Variants in RXRA observed in about 807,000 individuals in gnomAD.
RXRA encodes the protein retinoic acid receptor RXR-alpha.
In RXRA, 5 loss-of-function variants were observed where a neutral mutation model predicts 44.5. The observed-to-expected ratio is 0.11, with a 90% CI of 0.06 to 0.24. The LOEUF is 0.24. Ranked by LOEUF, RXRA falls within the 10% of genes least tolerant of loss-of-function variation. The pLI is 1.00. For synonymous variants in RXRA, 291 were observed against 271.4 expected (o/e 1.07, Z -0.71); for missense variants, 412 against 646.5 (o/e 0.64, Z 3.93).
At chr9:134,379,273 A>T (rs1588274669) in intron 1 of RXRA, 2 of 986,090 alleles carry the variant, frequency 2.0e-6, no homozygotes, top group African/African-American at 3.5e-5. Context: ...CTGCCCCATC[A>T]GCAACAGCTG....
intron 2 of RXRA, among the ~76,000 whole-genome samples, chr9:134,406,853 T>G (rs12336468): frequency 0.099 from 15,150 of 152,304 alleles, 2,450 homozygotes; most frequent in African/African-American, 0.34. Flanking sequence ...CGCACCCCTC[T>G]GCAGACGTCT....
intron 1 of RXRA, among the ~76,000 whole-genome samples, chr9:134,328,904 T>C (rs1386390748): frequency 6.6e-6 from 1 of 151,864 alleles, no homozygotes; most frequent in Non-Finnish European, 1.5e-5. Context: ...ACCGAGCCGC[T>C]CAGTGAGGGC....
Position 134,349,968 on chromosome 9 carries a change from T to TGGGACCCCTTCCCCAAGCCC in RXRA, c.28+23310_28+23329dup, listed in dbSNP as rs1219466594. ...GTGTCTGGAGGTCCCCAGGCACTGC[T>TGGGACCCCTTCCCCAAGCCC]GGGACCCCTTCCCCAAGCCCAGGAC... On this transcript the variant is annotated intron_variant, in intron 1 of 9. Transcript: ENST00000481739. The surrounding 1 kb of genome is among the most constrained non-coding windows in gnomAD (Gnocchi z 4.3). Among the ~76,000 whole-genome samples the TGGGACCCCTTCCCCAAGCCC allele has an allele frequency of 1.2e-3, 179 of 152,062 alleles. 1 individual carries two copies. The highest frequency in any genetic ancestry group is 4.0e-3 in the African/African-American group (164 of 41,478).
chr9:134,408,128 T>C, intron 2 of RXRA, 21 bp from the exon 3 acceptor site: 1 of 1,522,302 alleles, frequency 6.6e-7, no homozygotes, highest in Non-Finnish European at 8.8e-7. Context: ...CCCCGCTGAC[T>C]GCTGTGGTTG....
intron 1 of RXRA, among the ~76,000 whole-genome samples, chr9:134,391,434 C>A (rs563997529): frequency 5.9e-5 from 9 of 152,316 alleles, no homozygotes; most frequent in South Asian, 2.1e-4. Flanking sequence ...AAACAAGAAT[C>A]ATTTCTTTTC....
intron 4 of RXRA, among the ~76,000 whole-genome samples, chr9:134,415,780 G>T (rs866273456): frequency 6.6e-6 from 1 of 152,328 alleles, no homozygotes; most frequent in Middle Eastern, 3.4e-3. Context: ...GAGGAGATAC[G>T]GTGGGAAGGG....
In RXRA at chr9:134,417,227, A is replaced by G. The variant is rs780334193; in HGVS notation, c.680A>G (p.Asn227Ser). The change falls in exon 5 of 10, where the codon AAC (asparagine) becomes AGC (serine). Residue 227 changes from asparagine (N) to serine (S), a missense_variant. Around this residue, in one of 4 missense-constraint regions of RXRA, gnomAD observed 67 missense variants for 78.7 expected, o/e 0.85. Transcript: ENST00000481739. The surrounding 1 kb of genome is among the most constrained non-coding windows in gnomAD (Gnocchi z 6.1). The stretch of plus-strand genomic sequence containing the variant: ...GAGGTGGAGTCGACCAGCAGCGCCA[A>G]CGAGGACATGCCGGTGGAGAGGATC... Reference protein sequence around the residue: ...ENEVESTSSANEDMPVERILE... With the variant: ...ENEVESTSSASEDMPVERILE... The G allele has an allele frequency of 2.3e-5, 37 of 1,613,688 alleles. No homozygotes were observed. Among genetic ancestry groups the G allele is most frequent in the East Asian group, 4.5e-5 (2 of 44,894 alleles).
intron 1 of RXRA, among the ~76,000 whole-genome samples, chr9:134,378,965 G>A (rs1056758264): frequency 1.3e-5 from 2 of 152,206 alleles, no homozygotes; most frequent in Non-Finnish European, 2.9e-5. Context: ...TGCTGTCCTC[G>A]GGTGGGAACA....
intron 1 of RXRA, among the ~76,000 whole-genome samples, chr9:134,396,819 G>A (rs1345723411): frequency 1.3e-5 from 2 of 152,216 alleles, no homozygotes; most frequent in African/African-American, 4.8e-5. Context: ...CTAGACAGGT[G>A]ACCTGATCAC....
intron 1 of RXRA, chr9:134,379,416 C>T (rs1244650557): frequency 1.0e-5 from 10 of 987,314 alleles, no homozygotes; most frequent in Non-Finnish European, 1.2e-5. Context: ...ATGGGGCCTC[C>T]CTTCACTTCC....
In RXRA at chr9:134,426,383, C is replaced by A; in HGVS notation, c.911-2725C>A. On this transcript the variant is annotated intron_variant, in intron 6 of 9. Coordinates refer to ENST00000481739, the MANE Select transcript of RXRA (RefSeq NM_002957.6). This position sits in a 1 kb window ranked among gnomAD's most constrained non-coding sequence, Gnocchi z 4.6. ...TTCCTCTCCTATTTTTCTCTTACAT[C>A]CGAGAAGGAGGAGGGCAGCTTACAA... 1.0e-6 allele frequency: 1 copy of A among 985,442 alleles called. No homozygotes were observed. Among genetic ancestry groups the A allele is most frequent in the South Asian group, 4.7e-5 (1 of 21,288 alleles). The allele number at this position is 985,442 out of a possible 1,614,324, so 61.0% of individuals were successfully genotyped here.
rs866011335 is a variant in RXRA, at chr9:134,422,515, G to A, written c.910+710G>A. On this transcript the variant is annotated intron_variant, in intron 6 of 9. Transcript: ENST00000481739. ...CCCTCCCAGGACACTCCCCTCTCCC[G>A]GGACACTCCCCCCTTCCGGGACACT... 176 of 1,204,998 alleles carry A rather than the reference G, an allele frequency of 1.5e-4. 2 individuals are homozygous for A. The Middle Eastern group carries it at 2.1e-3, about 14-fold the overall frequency. 74.6% of individuals were successfully genotyped at this position (1,204,998 alleles called of 1,614,324 possible). A position where few individuals can be genotyped will look rare whatever the true frequency, so the allele number is the denominator to read the frequency against.
At chr9:134,374,838 C>T (rs935000494) in intron 1 of RXRA, among the ~76,000 whole-genome samples, 4 of 152,222 alleles carry the variant, frequency 2.6e-5, no homozygotes, top group Middle Eastern at 3.2e-3. Context: ...TGGAACTCGG[C>T]GCCTGCCTGG....
In RXRA at chr9:134,363,653, C is replaced by T. The variant is rs191758363; in HGVS notation, c.28+36994C>T. 3.3e-4 allele frequency among the ~76,000 whole-genome samples: 50 copies of T among 152,328 alleles called. No individual in the cohort carries two copies. In the South Asian group the frequency reaches 6.8e-3, roughly 21 times the overall value. ...GGACGGGCACTGTGCCGCACCTGTG[C>T]GGCACCGGGTGTGGCTGGCACGGTT... On this transcript the variant is annotated intron_variant, in intron 1 of 9. Transcript: ENST00000481739.
At chr9:134,413,566 C>T (rs1158370978) in intron 4 of RXRA, among the ~76,000 whole-genome samples, 1 of 152,174 alleles carries the variant, frequency 6.6e-6, no homozygotes, top group Non-Finnish European at 1.5e-5. Context: ...GGAGTTCGGT[C>T]CTGCCTGTCT....
At chr9:134,429,593 C>A (rs555107655) in intron 7 of RXRA, among the ~76,000 whole-genome samples, 1 of 152,352 alleles carries the variant, frequency 6.6e-6, no homozygotes, top group East Asian at 1.9e-4. Context: ...ATGTCGCAGG[C>A]TGCTTGAGGC....
At chr9:134,425,225 T>C (rs1330769546) in intron 6 of RXRA, 1 of 985,256 alleles carries the variant, frequency 1.0e-6, no homozygotes, top group East Asian at 1.1e-4. Context: ...GTCACACGTG[T>C]CTGCTCCTGT....
At chr9:134,360,605 G>A (rs1362967443) in intron 1 of RXRA, among the ~76,000 whole-genome samples, 3 of 152,240 alleles carry the variant, frequency 2.0e-5, no homozygotes, top group South Asian at 2.1e-4. Context: ...GCTGGTCTGC[G>A]GGAGGCTCTT....
intron 1 of RXRA, among the ~76,000 whole-genome samples, chr9:134,397,480 A>G (rs984323797): frequency 4.6e-5 from 7 of 151,740 alleles, no homozygotes; most frequent in Non-Finnish European, 1.0e-4. Context: ...CTTTAGAGTC[A>G]GTTTTGTGCC....
Sources: gnomAD v4.1 joint callset for allele counts (sites outside exome capture counted in the v4.1 genomes callset) on GRCh38, gnomAD v4.1.1 for gene constraint, gnomAD v4.1.1 regional missense constraint, Gnocchi (gnomAD v3.1) non-coding constraint, MANE v1.5 for transcripts, NCBI Gene and HGNC (gene_info 2026-07-23, HGNC 2026-07-21) for gene names.